Variants in SYNPR observed in about 807,000 individuals in gnomAD.
SYNPR encodes synaptoporin.
A neutral mutation model predicts 32.9 loss-of-function variants in SYNPR; 23 were observed. That is an observed-to-expected ratio of 0.70 (90% CI 0.50 to 0.99). The LOEUF (loss-of-function observed/expected upper bound fraction) is 0.99. Among genes scored for constraint, SYNPR ranks in the 50% least tolerant of loss-of-function variants. SYNPR has a pLI of 0.00. For synonymous variants in SYNPR, 146 were observed against 135.9 expected, an observed-to-expected ratio of 1.07 and a Z score of -0.52; for missense variants, 318 against 349.3, an observed-to-expected ratio of 0.91 and a Z score of 0.71.
At chr3:63,239,142 A>G (rs1360704996) in intron 1 of SYNPR, among the ~76,000 whole-genome samples, 1 of 152,110 alleles carries the variant, frequency 6.6e-6, no homozygotes, top group Non-Finnish European at 1.5e-5. Context: ...TAGCACTCTC[A>G]TTATAGATGT....
chr3:63,279,498 A>G (rs2086608491), intron 2 of SYNPR, among the ~76,000 whole-genome samples: 1 of 152,200 alleles, frequency 6.6e-6, no homozygotes, highest in African/African-American at 2.4e-5. Context: ...GTCTATGGGC[A>G]GAGGAGTGAG....
At chr3:63,423,478 G>A (rs1280796697) in intron 2 of SYNPR, 1 of 152,412 alleles carries the variant, frequency 6.6e-6, no homozygotes, top group East Asian at 1.9e-4. Flanking sequence ...TGGATGACAA[G>A]AGAAAGGATT....
intron 5 of SYNPR, among the ~76,000 whole-genome samples, chr3:63,614,210 C>A (rs1167042459): frequency 6.6e-6 from 1 of 152,214 alleles, no homozygotes; most frequent in Non-Finnish European, 1.5e-5. Context: ...TTAATGTTAT[C>A]ACAGCTTTGC....
intron 2 of SYNPR, among the ~76,000 whole-genome samples, chr3:63,339,732 G>A (rs571625769): frequency 4.0e-5 from 6 of 151,124 alleles, no homozygotes; most frequent in South Asian, 2.1e-4. Flanking sequence ...ATCTCAGCTC[G>A]CGTCAACCTC....
intron 2 of SYNPR, among the ~76,000 whole-genome samples, chr3:63,406,722 A>G (rs1417299799): frequency 6.6e-6 from 1 of 152,154 alleles, no homozygotes. Flanking sequence ...CAATCTTACA[A>G]CGAGGTCTCA....
intron 2 of SYNPR, among the ~76,000 whole-genome samples, chr3:63,349,182 AACCTCC>A (rs1170785268): frequency 6.6e-6 from 1 of 151,892 alleles, no homozygotes; most frequent in Non-Finnish European, 1.5e-5. Context: ...GGCTCACTGC[AACCTCC>A]ACCTCCCGAG....
rs2106912947 is a variant in SYNPR, at chr3:63,615,718, T to A, written c.*237T>A. ...TGGCTAATTGGAGAGTACCTTGTTA[T>A]ATATACAGATACTTTCATGGTCATT... is the stretch of plus-strand genomic sequence containing the variant. On this transcript the variant is annotated 3_prime_UTR_variant, in exon 6 of 6. Transcript: ENST00000478300. 4.4e-6 allele frequency: 2 copies of A among 455,028 alleles called. No homozygotes were observed. The highest frequency in any genetic ancestry group is 8.0e-5 in the South Asian group (2 of 24,882). The allele number at this position is 455,028 out of a possible 1,614,324, so 28.2% of individuals were successfully genotyped here. A position where few individuals can be genotyped will look rare whatever the true frequency, so the allele number is the denominator to read the frequency against.
chr3:63,343,883 G>A (rs1273429253), intron 2 of SYNPR, among the ~76,000 whole-genome samples: 1 of 152,234 alleles, frequency 6.6e-6, no homozygotes, highest in Non-Finnish European at 1.5e-5. Flanking sequence ...TCCAAGGCAG[G>A]AAACCTGCTG....
intron 2 of SYNPR, among the ~76,000 whole-genome samples, chr3:63,389,283 C>A (rs971162027): frequency 5.3e-5 from 8 of 151,884 alleles, no homozygotes; most frequent in Non-Finnish European, 8.8e-5. Flanking sequence ...TAAAAAATAC[C>A]AAAACCAACA....
At chr3:63,481,175 C>T (rs1398126245) in intron 3 of SYNPR, among the ~76,000 whole-genome samples, 2 of 146,610 alleles carry the variant, frequency 1.4e-5, no homozygotes, top group Non-Finnish European at 3.0e-5. Flanking sequence ...TGACTCTCCT[C>T]AAAAAAAAAG....
At chr3:63,415,919 G>T (rs2107124000) in intron 2 of SYNPR, among the ~76,000 whole-genome samples, 1 of 152,308 alleles carries the variant, frequency 6.6e-6, no homozygotes, top group African/African-American at 2.4e-5. Flanking sequence ...AAATGAAGTT[G>T]TGTGGTTTTA....
intron 2 of SYNPR, among the ~76,000 whole-genome samples, chr3:63,389,672 A>G (rs764399203): frequency 1.1e-4 from 16 of 152,208 alleles, no homozygotes; most frequent in Non-Finnish European, 2.4e-4. Context: ...AGTAGGGGTG[A>G]TTCCCGAGGG....
intron 2 of SYNPR, among the ~76,000 whole-genome samples, chr3:63,343,259 G>T (rs1229792858): frequency 1.3e-5 from 2 of 152,176 alleles, no homozygotes; most frequent in Non-Finnish European, 2.9e-5. Context: ...TGCTGCAACA[G>T]CTTTTCATGG....
chr3:63,413,971 C>T (rs1343281685), intron 2 of SYNPR, among the ~76,000 whole-genome samples: 1 of 150,886 alleles, frequency 6.6e-6, no homozygotes, highest in African/African-American at 2.4e-5. Flanking sequence ...TATAAGAAAC[C>T]CCAAGAGGAG....
At chr3:63,309,854 C>T (rs2086945342) in intron 2 of SYNPR, among the ~76,000 whole-genome samples, 1 of 152,020 alleles carries the variant, frequency 6.6e-6, no homozygotes. Context: ...CTGCAAACTA[C>T]AGGGGTTCTA....
In SYNPR at chr3:63,468,491, G is replaced by GCACACACACACACACA. The variant is rs10663212; in HGVS notation, c.85-12332_85-12317dup. Among the ~76,000 whole-genome samples, 819 of 148,642 alleles carry GCACACACACACACACA rather than the reference G, an allele frequency of 5.5e-3. 9 individuals are homozygous for GCACACACACACACACA. The highest frequency in any genetic ancestry group is 0.019 in the African/African-American group (774 of 40,114). On this transcript the variant is annotated intron_variant, in intron 2 of 5. Transcript: ENST00000478300. ...GGATTCTATTTAATATACCTGCAAA[G>GCACACACACACACACA]CACACACACACACACACACACACAA...
chr3:63,335,421 T>C (rs1436670171), intron 2 of SYNPR, among the ~76,000 whole-genome samples: 1 of 150,986 alleles, frequency 6.6e-6, no homozygotes, highest in Non-Finnish European at 1.5e-5. Context: ...AAGTGTTGGG[T>C]TTGGTGCACT....
chr3:63,557,372 T>C (rs139949708), intron 4 of SYNPR, among the ~76,000 whole-genome samples: 3 of 152,210 alleles, frequency 2.0e-5, no homozygotes, highest in South Asian at 4.1e-4. Context: ...GAGAATGCCC[T>C]GTATCTAAAA....
the SYNPR span, among the ~76,000 whole-genome samples, chr3:63,219,578 C>G: frequency 6.6e-6 from 1 of 152,204 alleles, no homozygotes; most frequent in Admixed American, 6.5e-5. Context: ...TAATAGCCTA[C>G]TGCTGACCAG....
Sources: allele counts gnomAD v4.1 joint callset (sites outside exome capture counted in the v4.1 genomes callset), GRCh38; gene constraint gnomAD v4.1.1; transcripts MANE v1.5; gene names NCBI Gene and HGNC (gene_info 2026-07-23, HGNC 2026-07-21).